DLGAP2: variants seen among roughly 807,000 people sequenced by gnomAD.
The protein encoded by DLGAP2 is disks large-associated protein 2.
A neutral mutation model predicts 100.3 loss-of-function variants in DLGAP2; 26 were observed. The observed-to-expected ratio is 0.26, with a 90% confidence interval of 0.19 to 0.36. DLGAP2 has a LOEUF of 0.36. Ranked by LOEUF, DLGAP2 falls within the 10% of genes least tolerant of loss-of-function variation. DLGAP2 has a pLI of 1.00. For synonymous variants in DLGAP2, 886 were observed against 630.1 expected, an observed-to-expected ratio of 1.41 and a Z score of -6.08; for missense variants, 1,858 against 1,453.2, an observed-to-expected ratio of 1.28 and a Z score of -4.53.
chr8:853,426 C>A (rs183582314), intron 1 of DLGAP2, among the ~76,000 whole-genome samples: 1 of 152,228 alleles, frequency 6.6e-6, no homozygotes, highest in African/African-American at 2.4e-5. Context: ...ACAGCCCTGC[C>A]AGCAGGAGAG....
rs550435147 is a variant in DLGAP2, at chr8:1,179,233, G to T, written c.74-79618G>T. On this transcript the variant is annotated intron_variant, in intron 2 of 14. Coordinates refer to ENST00000637795, the MANE Select transcript of DLGAP2 (RefSeq NM_001346810.2). The stretch of plus-strand genomic sequence containing the variant: ...CTCCACTTTGCAATTTGGGAGATGG[G>T]ATGGCTGAGTATTTCAGAGGCCTTA... Among the ~76,000 whole-genome samples the T allele has an allele frequency of 3.3e-5, 5 of 152,380 alleles. No individual in the cohort carries two copies. In the East Asian group the frequency reaches 9.6e-4, roughly 29 times the overall value.
intron 4 of DLGAP2, among the ~76,000 whole-genome samples, chr8:1,529,390 G>A (rs1174280766): frequency 6.6e-6 from 1 of 152,126 alleles, no homozygotes; most frequent in Admixed American, 6.5e-5. Context: ...CACAAAGCCT[G>A]GCCATATCAC....
At chr8:1,241,136 G>A (rs1342268554) in intron 2 of DLGAP2, among the ~76,000 whole-genome samples, 1 of 126,812 alleles carries the variant, frequency 7.9e-6, no homozygotes, top group Admixed American at 8.7e-5. Flanking sequence ...GCCGTGTCTA[G>A]TTCTCTCACG....
intron 11 of DLGAP2, 44 bp downstream of exon 11, chr8:1,676,662 C>T: frequency 1.3e-6 from 2 of 1,569,796 alleles, no homozygotes; most frequent in Non-Finnish European, 1.7e-6. Flanking sequence ...CGAGCGAGGG[C>T]TCTTTGTCAA....
intron 2 of DLGAP2, among the ~76,000 whole-genome samples, chr8:1,209,804 C>T (rs1300368330): frequency 6.6e-6 from 1 of 152,052 alleles, no homozygotes; most frequent in Non-Finnish European, 1.5e-5. Flanking sequence ...TGTCTGTATC[C>T]TAAGTTGTCA....
In DLGAP2 at chr8:1,549,572, G is replaced by T; in HGVS notation, c.1119G>T (p.Thr373=). ...ACCTGAAGCGCAGCTCCTGGTCTACGCTGACGGTCAGCCAGGCCAAGGAGG... is the reference window on the plus strand; with the variant it reads ...ACCTGAAGCGCAGCTCCTGGTCTACTCTGACGGTCAGCCAGGCCAAGGAGG... ...AKYLKRSSWS[T]LTVSQAKEAY... is the part of the protein sequence containing the mutation. Residue 373 remains threonine (T), a synonymous_variant, in exon 5 of 15, where the codon ACG becomes ACT. Coordinates refer to ENST00000637795, the MANE Select transcript of DLGAP2 (RefSeq NM_001346810.2). The T allele has an allele frequency of 6.2e-7, 1 of 1,612,788 alleles. No individual in the cohort carries two copies. The highest frequency in any genetic ancestry group is 8.5e-7 in the Non-Finnish European group (1 of 1,179,754).
intron 3 of DLGAP2, among the ~76,000 whole-genome samples, chr8:1,304,874 G>C (rs543635941): frequency 1.3e-5 from 2 of 152,322 alleles, no homozygotes; most frequent in East Asian, 1.9e-4. Flanking sequence ...GGCACAGTCT[G>C]TGTTCACTGC....
At chr8:788,689 C>T (rs751329618) in intron 1 of DLGAP2, among the ~76,000 whole-genome samples, 1 of 152,186 alleles carries the variant, frequency 6.6e-6, no homozygotes, top group African/African-American at 2.4e-5. Flanking sequence ...CTGTTCTGTC[C>T]TCCTTCCTGG....
intron 2 of DLGAP2, among the ~76,000 whole-genome samples, chr8:914,916 T>G (rs904344448): frequency 6.6e-6 from 1 of 152,166 alleles, no homozygotes; most frequent in Non-Finnish European, 1.5e-5. Flanking sequence ...TTGGGAGATT[T>G]TTGGCTTTGT....
chr8:1,652,716 C>T (rs894032937), intron 8 of DLGAP2, among the ~76,000 whole-genome samples: 3 of 152,294 alleles, frequency 2.0e-5, no homozygotes, highest in South Asian at 2.1e-4. Flanking sequence ...GAATTTGCAT[C>T]GTCTGTTTCT....
chr8:1,190,747 A>T (rs1282054359), intron 2 of DLGAP2, among the ~76,000 whole-genome samples: 1 of 152,114 alleles, frequency 6.6e-6, no homozygotes, highest in Non-Finnish European at 1.5e-5. Context: ...AGGTCCTTAC[A>T]CCAGGGGCAG....
At chr8:1,525,473 A>G (rs1010023966) in intron 4 of DLGAP2, among the ~76,000 whole-genome samples, 36 of 152,264 alleles carry the variant, frequency 2.4e-4, no homozygotes, top group African/African-American at 7.5e-4. Context: ...CCAGTGTACA[A>G]TCCTGGCGAT....
At chr8:1,532,321 A>T (rs1020958730) in intron 4 of DLGAP2, among the ~76,000 whole-genome samples, 1 of 152,180 alleles carries the variant, frequency 6.6e-6, no homozygotes, top group East Asian at 1.9e-4. Flanking sequence ...CTCTTGCTTC[A>T]TATCTAAATG....
chr8:800,873 T>G (rs544738471), intron 1 of DLGAP2, among the ~76,000 whole-genome samples: 92 of 152,246 alleles, frequency 6.0e-4, no homozygotes, highest in South Asian at 1.5e-3. Context: ...GGGTCTGTAC[T>G]TCCCCCAGCA....
chr8:1,696,011 G>C (rs1055318922), intron 13 of DLGAP2, among the ~76,000 whole-genome samples: 3 of 152,212 alleles, frequency 2.0e-5, no homozygotes, highest in Non-Finnish European at 4.4e-5. Context: ...AGGGCAGCTG[G>C]GGGCCCCAGG....
chr8:1,410,979 C>A (rs183210914), intron 3 of DLGAP2, among the ~76,000 whole-genome samples: 2 of 152,136 alleles, frequency 1.3e-5, no homozygotes, highest in South Asian at 2.1e-4. Flanking sequence ...TAGTGTTGTA[C>A]GTTACTTTGA....
At chr8:911,355 G>A (rs1482288304) in intron 2 of DLGAP2, among the ~76,000 whole-genome samples, 1 of 151,594 alleles carries the variant, frequency 6.6e-6, no homozygotes. Flanking sequence ...CGTACATTGG[G>A]AGGATATGTG....
At chr8:1,445,540 C>T (rs149892262) in intron 3 of DLGAP2, among the ~76,000 whole-genome samples, 1,999 of 152,088 alleles carry the variant, frequency 0.013, 54 homozygotes, top group African/African-American at 0.046. Flanking sequence ...AATAGTGCCG[C>T]AATAAACACA....
chr8:1,513,443 G>T (rs377454794), intron 4 of DLGAP2, among the ~76,000 whole-genome samples: 1 of 152,188 alleles, frequency 6.6e-6, no homozygotes, highest in East Asian at 1.9e-4. Context: ...ATACACGTCC[G>T]CCTTTCCCTG....
Sources: allele counts gnomAD v4.1 joint callset (sites outside exome capture counted in the v4.1 genomes callset), GRCh38; gene constraint gnomAD v4.1.1; transcripts MANE v1.5; gene names NCBI Gene and HGNC (gene_info 2026-07-23, HGNC 2026-07-21).